Variants in KLHL6 observed in about 807,000 individuals in gnomAD.
KLHL6 encodes the protein kelch-like protein 6.
KLHL6 carries 41 observed loss-of-function variants against 58.6 expected under a neutral mutation model. The ratio of observed to expected loss-of-function variants is 0.70; its 90% CI spans 0.55 to 0.91. The LOEUF is 0.91. KLHL6 is among the 40% of genes least tolerant of loss of function. KLHL6 has a pLI of 0.00. For synonymous variants in KLHL6, 338 were observed against 322.7 expected, an observed-to-expected ratio of 1.05 and a Z score of -0.51; for missense variants, 714 against 805.6, an observed-to-expected ratio of 0.89 and a Z score of 1.38.
chr3:183,493,884 T>C, intron 5 of KLHL6, 195 bp downstream of exon 5: 5 of 614,914 alleles, frequency 8.1e-6, no homozygotes, highest in Non-Finnish European at 1.4e-5. Context: ...TGGAAGGACA[T>C]TGTTTCTGTG....
intron 1 of KLHL6, among the ~76,000 whole-genome samples, chr3:183,536,028 G>A (rs150036513): frequency 0.014 from 2,198 of 152,220 alleles, 47 homozygotes; most frequent in African/African-American, 0.05. Flanking sequence ...CCCCCCTCGG[G>A]CTCCCAAAGT....
At chr3:183,551,311 A>G (rs2108701248) in intron 1 of KLHL6, among the ~76,000 whole-genome samples, 1 of 152,224 alleles carries the variant, frequency 6.6e-6, no homozygotes, top group African/African-American at 2.4e-5. Flanking sequence ...CCAGCGTGCA[A>G]ATCCAGGGAA....
chr3:183,520,380 T>C (rs916734430), intron 2 of KLHL6: 1 of 151,430 alleles, frequency 6.6e-6, no homozygotes, highest in African/African-American at 2.4e-5. Context: ...TCCACACTTG[T>C]GGGTATTTCT....
intron 3 of KLHL6, among the ~76,000 whole-genome samples, chr3:183,504,066 G>C (rs1717940155): frequency 6.6e-6 from 1 of 152,120 alleles, no homozygotes; most frequent in Non-Finnish European, 1.5e-5. Flanking sequence ...AGAAGGATTT[G>C]GGAAAATAAG....
At chr3:183,539,075 C>T (rs1286283242) in intron 1 of KLHL6, among the ~76,000 whole-genome samples, 2 of 152,152 alleles carry the variant, frequency 1.3e-5, no homozygotes, top group East Asian at 1.9e-4. Flanking sequence ...TCCCTGGCTC[C>T]GACTCATAAT....
At chr3:183,537,722 C>A (rs1323963201) in intron 1 of KLHL6, among the ~76,000 whole-genome samples, 2 of 152,308 alleles carry the variant, frequency 1.3e-5, no homozygotes, top group East Asian at 3.9e-4. Context: ...CACCAGGCTT[C>A]CTCACCTCAG....
chr3:183,494,117 C>T lies in KLHL6; in HGVS notation c.1312G>A (p.Val438Met), dbSNP rs781298071. Residue 438 changes from valine (V) to methionine (M), a missense_variant, in exon 5 of 7, where the codon GTG (valine) becomes ATG (methionine). Val to Met is a conservative substitution (Grantham distance 21, BLOSUM62 1). Coordinates refer to ENST00000341319, the MANE Select transcript of KLHL6 (RefSeq NM_130446.4). ...TTGTGAAAGGGGTCGTAGGTCTCCA[C>T]ATTGTTGATTCTCTGTAAGCCGTCA... Reference protein sequence around the residue: ...GFDGLQRINNVETYDPFHNCW... With the variant: ...GFDGLQRINNMETYDPFHNCW... 6.8e-6 allele frequency: 11 copies of T among 1,614,044 alleles called. No individual in the cohort carries two copies. Among genetic ancestry groups the T allele is most frequent in the East Asian group, 2.2e-5 (1 of 44,896 alleles).
intron 2 of KLHL6, among the ~76,000 whole-genome samples, chr3:183,516,043 C>G (rs546616348): frequency 6.6e-6 from 1 of 152,336 alleles, no homozygotes; most frequent in East Asian, 1.9e-4. Flanking sequence ...TGCTAGGAGG[C>G]AGTACAGTTG....
intron 1 of KLHL6, among the ~76,000 whole-genome samples, chr3:183,535,911 G>A (rs974540919): frequency 3.3e-5 from 5 of 152,146 alleles, no homozygotes; most frequent in Admixed American, 3.3e-4. Context: ...GAGTAGCTAG[G>A]GCTACAGGCG....
At chr3:183,504,813 A>T (rs73070590) in intron 3 of KLHL6, among the ~76,000 whole-genome samples, 1,601 of 152,244 alleles carry the variant, frequency 0.011, 26 homozygotes, top group African/African-American at 0.037. Context: ...ATCATACATA[A>T]GCATAGTACC....
rs1315288097 is a variant in KLHL6, at chr3:183,523,356, C to G, written c.459+4489G>C. On this transcript the variant is annotated intron_variant, in intron 2 of 6. Transcript: ENST00000341319. Reference sequence around the variant, plus strand: ...ACAAAGGCAATCCTAGGGAAATAAGCAACACTGGACCTTCACCAATGTCTC... The same window carrying G: ...ACAAAGGCAATCCTAGGGAAATAAGGAACACTGGACCTTCACCAATGTCTC... Among the ~76,000 whole-genome samples the G allele has an allele frequency of 3.3e-5, 5 of 152,222 alleles. No homozygotes were observed. In the East Asian group the frequency reaches 7.7e-4, roughly 23 times the overall value.
chr3:183,522,634 T>C (rs1404542103), intron 2 of KLHL6: 1 of 152,202 alleles, frequency 6.6e-6, no homozygotes, highest in Admixed American at 6.5e-5. Flanking sequence ...TCATAGTAGG[T>C]GCCTGGCACT....
At chr3:183,539,063 T>C (rs754565176) in intron 1 of KLHL6, among the ~76,000 whole-genome samples, 6 of 152,190 alleles carry the variant, frequency 3.9e-5, no homozygotes, top group Non-Finnish European at 7.3e-5. Context: ...TTTAATTAGG[T>C]GTCCCTGGCT....
chr3:183,492,321 T>G lies in KLHL6; in HGVS notation c.1565-93A>C. 7.4e-7 allele frequency: 1 copy of G among 1,358,680 alleles called. No individual in the cohort carries two copies. The highest frequency in any genetic ancestry group is 1.0e-6 in the Non-Finnish European group (1 of 999,754). The allele number at this position is 1,358,680 out of a possible 1,614,324, so 84.2% of individuals were successfully genotyped here. A position where few individuals can be genotyped will look rare whatever the true frequency, so the allele number is the denominator to read the frequency against. Reference sequence around the variant, plus strand: ...AAATTCAACTTCTGATTAGGCCAAGTCTACCCTCTTGCCAAGAGAAACAGT... The same window carrying G: ...AAATTCAACTTCTGATTAGGCCAAGGCTACCCTCTTGCCAAGAGAAACAGT... On this transcript the variant is annotated intron_variant, in intron 6 of 6. Transcript: ENST00000341319. This position sits in a 1 kb window ranked among gnomAD's most constrained non-coding sequence, Gnocchi z 5.9.
chr3:183,534,948 A>ATTTTTT (rs199669663), intron 1 of KLHL6, among the ~76,000 whole-genome samples: 5 of 31,020 alleles, frequency 1.6e-4, no homozygotes, highest in African/African-American at 2.2e-4. Context: ...ATATATATAT[A>ATTTTTT]TATTTTTTTT....
chr3:183,539,861 G>A (rs1473171666), intron 1 of KLHL6, among the ~76,000 whole-genome samples: 1 of 152,184 alleles, frequency 6.6e-6, no homozygotes, highest in East Asian at 1.9e-4. Context: ...CCAGACCATT[G>A]CTGATGCCTC....
intron 1 of KLHL6, among the ~76,000 whole-genome samples, chr3:183,528,393 G>C (rs756892371): frequency 6.6e-6 from 1 of 152,224 alleles, no homozygotes; most frequent in Non-Finnish European, 1.5e-5. Context: ...CGTTTGGCCT[G>C]GAGCCTGGCC....
rs1577209221 is a variant in KLHL6, at chr3:183,555,173, A to C, written c.293+188T>G. On this transcript the variant is annotated intron_variant, in intron 1 of 6. Coordinates refer to ENST00000341319, the MANE Select transcript of KLHL6 (RefSeq NM_130446.4). Reference sequence around the variant, plus strand: ...AAAGCAAAACTCCGTCTCAAAAATAAATAAATAAATAAATAATAAAATAAA... The same window carrying C: ...AAAGCAAAACTCCGTCTCAAAAATACATAAATAAATAAATAATAAAATAAA... Among the ~76,000 whole-genome samples the C allele has an allele frequency of 2.0e-5, 3 of 152,264 alleles. No homozygotes were observed. In the South Asian group the frequency reaches 6.2e-4, roughly 32 times the overall value.
At chr3:183,528,488 G>A (rs1186857526) in intron 1 of KLHL6, among the ~76,000 whole-genome samples, 1 of 152,230 alleles carries the variant, frequency 6.6e-6, no homozygotes, top group African/African-American at 2.4e-5. Context: ...CCCAGCAGCT[G>A]AACCCAATGT....
Sources: allele counts gnomAD v4.1 joint callset (sites outside exome capture counted in the v4.1 genomes callset), GRCh38; gene constraint gnomAD v4.1.1; non-coding constraint Gnocchi (gnomAD v3.1); transcripts MANE v1.5; gene names NCBI Gene and HGNC (gene_info 2026-07-23, HGNC 2026-07-21).